Variants in THOC5 observed in about 807,000 individuals in gnomAD.
THOC5 encodes the protein Fms-interacting protein.
Under a neutral mutation model 92.9 loss-of-function variants are expected in THOC5, and 43 were observed. The ratio of observed to expected loss-of-function variants is 0.46; its 90% confidence interval spans 0.36 to 0.60. The LOEUF is 0.60. THOC5 is among the 20% of genes least tolerant of loss of function. The pLI, the probability that THOC5 is intolerant of heterozygous loss-of-function variation, is 0.00. For missense variants in THOC5, 659 were observed against 849.4 expected, an observed-to-expected ratio of 0.78 and a Z score of 2.79; for synonymous variants, 296 against 320.1, an observed-to-expected ratio of 0.92 and a Z score of 0.80.
chr22:29,518,643 C>T (rs79880659), intron 15 of THOC5, among the ~76,000 whole-genome samples: 3,375 of 152,322 alleles, frequency 0.022, 136 homozygotes, highest in African/African-American at 0.076. Flanking sequence ...TCCCCCAGCA[C>T]TATGCTCAGT....
Position 29,528,075 on chromosome 22 carries a change from G to C in THOC5, c.1066+3C>G, listed in dbSNP as rs768791071. On this transcript the variant is annotated splice_donor_region_variant and intron_variant, in intron 11 of 19. Coordinates refer to ENST00000490103, the MANE Select transcript of THOC5 (RefSeq NM_003678.5). ...CCCTTAAACAAGGTGAGTGCAACCA[G>C]ACCTTTGCACTTCAGGTCGAGCATG... is the stretch of plus-strand genomic sequence containing the variant. 1 of 1,613,750 alleles carries C rather than the reference G, an allele frequency of 6.2e-7. No homozygotes were observed. The highest frequency in any genetic ancestry group is 8.5e-7 in the Non-Finnish European group (1 of 1,179,710).
intron 2 of THOC5, among the ~76,000 whole-genome samples, 198 bp from the exon 3 acceptor site, chr22:29,544,801 G>A (rs1052211252): frequency 2.0e-5 from 3 of 152,154 alleles, no homozygotes; most frequent in African/African-American, 7.2e-5. Context: ...TCTGATTGCA[G>A]AGTAATGCAT....
intron 17 of THOC5, 90 bp downstream of exon 17, chr22:29,516,939 C>T: frequency 7.8e-7 from 1 of 1,280,892 alleles, no homozygotes; most frequent in Non-Finnish European, 1.1e-6. Flanking sequence ...TGCAGGACTC[C>T]AGGATCTTCT....
chr22:29,545,127 C>T (rs747225247), intron 2 of THOC5: 21 of 414,962 alleles, frequency 5.1e-5, no homozygotes, highest in East Asian at 8.6e-5. Flanking sequence ...TATGTGGCGG[C>T]GGCAAGAGAA....
intron 17 of THOC5, 63 bp from the exon 18 acceptor site, chr22:29,512,199 C>T: frequency 7.7e-7 from 1 of 1,303,746 alleles, no homozygotes; most frequent in Non-Finnish European, 1.1e-6. Flanking sequence ...GCCATGGCAG[C>T]CTCCCCACTG....
At chr22:29,543,115 G>A (rs1030570935) in intron 4 of THOC5, among the ~76,000 whole-genome samples, 159 bp from the exon 5 acceptor site, 4 of 151,728 alleles carry the variant, frequency 2.6e-5, no homozygotes, top group South Asian at 2.1e-4. Context: ...AGGCCGAGGC[G>A]AGTGGATCAC....
chr22:29,544,665 G>A (rs1037805441), intron 2 of THOC5, 62 bp from the exon 3 acceptor site: 3 of 1,441,914 alleles, frequency 2.1e-6, no homozygotes, highest in Non-Finnish European at 2.8e-6. Flanking sequence ...CTGGGATCAG[G>A]GACACTTGGC....
chr22:29,525,650 T>C (rs1287832354), intron 12 of THOC5, among the ~76,000 whole-genome samples, 188 bp downstream of exon 12: 1 of 152,208 alleles, frequency 6.6e-6, no homozygotes, highest in Non-Finnish European at 1.5e-5. Context: ...ACTTCACAAA[T>C]TAAAGTCAGA....
chr22:29,531,171 C>A, intron 8 of THOC5: 1 of 1,118,468 alleles, frequency 8.9e-7, no homozygotes, highest in South Asian at 2.1e-5. Flanking sequence ...ACGAGGAAGA[C>A]ACAAGAAGAG....
At chr22:29,550,598 G>T (rs796197710) in intron 1 of THOC5, 2 of 152,022 alleles carry the variant, frequency 1.3e-5, no homozygotes, top group Non-Finnish European at 2.9e-5. Flanking sequence ...AGTTTGTCAC[G>T]GTAAAAGTCA....
intron 1 of THOC5, among the ~76,000 whole-genome samples, chr22:29,551,967 GGTGGAGAC>G (rs2064159500): frequency 6.6e-6 from 1 of 152,032 alleles, no homozygotes; most frequent in South Asian, 2.1e-4. Context: ...CGTATTTTTT[GGTGGAGAC>G]GGGGTTTCGC....
chr22:29,537,795 G>T (rs906803855), intron 6 of THOC5, among the ~76,000 whole-genome samples: 2 of 151,984 alleles, frequency 1.3e-5, no homozygotes, highest in Admixed American at 1.3e-4. Context: ...GGAGGCTGAG[G>T]CAGGAGAATT....
In THOC5 at chr22:29,511,257, A is replaced by G; in HGVS notation, c.1837T>C (p.Cys613Arg). The part of the protein sequence containing the change: ...GEVNVCYKEL[C>R]GPWPSHQLLT... ...AGCTGGTGGCTGGGCCAAGGGCCACACAGCTCCTTGTAGCACACATTGACT... is the reference window on the plus strand; with the variant it reads ...AGCTGGTGGCTGGGCCAAGGGCCACGCAGCTCCTTGTAGCACACATTGACT... The change falls in exon 19 of 20, where the codon TGT (cysteine) becomes CGT (arginine). Residue 613 changes from cysteine to arginine, a missense_variant. Cys to Arg is a radical substitution (Grantham distance 180). Transcript: ENST00000490103. 6.2e-7 allele frequency: 1 copy of G among 1,614,066 alleles called. No homozygotes were observed. The highest frequency in any genetic ancestry group is 1.1e-5 in the South Asian group (1 of 91,082).
rs1378887152 is a variant in THOC5, at chr22:29,538,800, GGAA to G, written c.599+527_599+529del. On this transcript the variant is annotated intron_variant, in intron 6 of 19. Transcript: ENST00000490103. ...CAATAGAGTGAAACGCCATCTCTTT[GGAA>G]AAAAAAAAAAAAAAAAAAAAAAAAG... is the stretch of plus-strand genomic sequence containing the variant. Among the ~76,000 whole-genome samples the G allele has an allele frequency of 6.9e-3, 227 of 32,988 alleles. 34 individuals are homozygous for G. In the East Asian group the frequency reaches 0.13, roughly 19 times the overall value. 21.6% of individuals were successfully genotyped at this position (32,988 alleles called of 152,430 possible). A position where few individuals can be genotyped will look rare whatever the true frequency, so the allele number is the denominator to read the frequency against.
chr22:29,532,443 C>G (rs2063673982), intron 7 of THOC5, among the ~76,000 whole-genome samples: 1 of 152,166 alleles, frequency 6.6e-6, no homozygotes, highest in African/African-American at 2.4e-5. Flanking sequence ...GCAGATGGAT[C>G]ACCTGAGGTC....
intron 17 of THOC5, among the ~76,000 whole-genome samples, chr22:29,515,113 C>A (rs1179482107): frequency 6.6e-6 from 1 of 152,056 alleles, no homozygotes; most frequent in Non-Finnish European, 1.5e-5. Flanking sequence ...ATGATCTCGG[C>A]TCATTGTAAC....
intron 8 of THOC5, 144 bp downstream of exon 8, chr22:29,531,687 A>T: frequency 6.8e-7 from 1 of 1,469,280 alleles, no homozygotes; most frequent in South Asian, 1.5e-5. Context: ...ATGCTGGGCA[A>T]TGCAGAGGGA....
At chr22:29,536,780 G>T in intron 6 of THOC5, 42 bp from the exon 7 acceptor site, 1 of 1,093,472 alleles carries the variant, frequency 9.1e-7, no homozygotes, top group Non-Finnish European at 1.4e-6. Flanking sequence ...ATATCCCCCA[G>T]TGATACCTCA....
intron 7 of THOC5, 27 bp from the exon 8 acceptor site, chr22:29,531,990 C>A (rs199900805): frequency 6.2e-7 from 1 of 1,611,158 alleles, no homozygotes; most frequent in East Asian, 2.2e-5. Flanking sequence ...GATTTTTGTT[C>A]TTCCTTTTTT....
Sources: allele counts gnomAD v4.1 joint callset (sites outside exome capture counted in the v4.1 genomes callset), GRCh38; gene constraint gnomAD v4.1.1; transcripts MANE v1.5; gene names NCBI Gene and HGNC (gene_info 2026-07-23, HGNC 2026-07-21).